Variants in RAB27A observed in about 807,000 individuals in gnomAD.
The protein encoded by RAB27A is ras-related protein Rab-27A.
RAB27A carries 17 observed loss-of-function variants against 20.8 expected under a neutral mutation model. That is an observed-to-expected ratio of 0.82 (90% confidence interval 0.56 to 1.23). The LOEUF (loss-of-function observed/expected upper bound fraction) is 1.23. Ranked by LOEUF, RAB27A falls within the 50% of genes most tolerant of loss-of-function variation. RAB27A has a pLI of 0.00. For synonymous variants in RAB27A, 85 were observed against 92.8 expected (o/e 0.92, Z 0.48); for missense variants, 277 against 266.7 (o/e 1.04, Z -0.27).
chr15:55,284,840 T>C (rs1171224134), intron 1 of RAB27A, among the ~76,000 whole-genome samples: 1 of 152,236 alleles, frequency 6.6e-6, no homozygotes, highest in Non-Finnish European at 1.5e-5. Flanking sequence ...TTCCATTAAC[T>C]ATAAAAGACT....
chr15:55,304,024 G>A lies in RAB27A; in HGVS notation c.-112+10015C>T, dbSNP rs1287315832. ...TGGCGGCTTTGTGGAATAGAAAGGC[G>A]GGAAAGGTGGGGAAGAGATTGAGAA... is the stretch of plus-strand genomic sequence containing the variant. On this transcript the variant is annotated intron_variant, in intron 2 of 5. Transcript: ENST00000563262. Among the ~76,000 whole-genome samples, 143 of 151,924 alleles carry A rather than the reference G, an allele frequency of 9.4e-4. 1 individual carries two copies. The East Asian group carries it at 0.026, about 28-fold the overall frequency.
In RAB27A at chr15:55,232,884, G is replaced by T. The variant is rs558190837; in HGVS notation, c.153+1898C>A. Reference sequence around the variant, plus strand: ...TGCCTGTAATCCCTCAGCACTTTGGGAGGCTAAGATGGGTGGATCACTTGA... The same window carrying T: ...TGCCTGTAATCCCTCAGCACTTTGGTAGGCTAAGATGGGTGGATCACTTGA... On this transcript the variant is annotated intron_variant, in intron 3 of 6. Coordinates refer to ENST00000336787, the MANE Select transcript of RAB27A (RefSeq NM_183235.3). Among the ~76,000 whole-genome samples, 36 of 152,302 alleles carry T rather than the reference G, an allele frequency of 2.4e-4. No individual in the cohort carries two copies. The South Asian group carries it at 7.0e-3, about 30-fold the overall frequency.
At chr15:55,261,304 G>C (rs983153867) in intron 2 of RAB27A, among the ~76,000 whole-genome samples, 1 of 152,064 alleles carries the variant, frequency 6.6e-6, no homozygotes, top group African/African-American at 2.4e-5. Context: ...GGCTGAGGTG[G>C]GAGAATTGCT....
upstream of RAB27A, among the ~76,000 whole-genome samples, chr15:55,294,589 GAAAAAAAAA>G (rs1181179911): frequency 6.9e-5 from 2 of 29,184 alleles, no homozygotes; most frequent in Non-Finnish European, 1.3e-4. Context: ...CCCTGTCTCC[GAAAAAAAAA>G]AAAAAAAAAA....
At chr15:55,252,039 T>G (rs187998144) in intron 2 of RAB27A, among the ~76,000 whole-genome samples, 1 of 151,990 alleles carries the variant, frequency 6.6e-6, no homozygotes, top group Admixed American at 6.6e-5. Context: ...CAGACAGGTG[T>G]TCAAAGTCAT....
chr15:55,281,506 G>A (rs1170349572), intron 1 of RAB27A, among the ~76,000 whole-genome samples: 2 of 152,150 alleles, frequency 1.3e-5, no homozygotes, highest in South Asian at 2.1e-4. Flanking sequence ...GAGGTCAGGA[G>A]TTCGAGACCA....
At chr15:55,258,833 C>T (rs1462309433) in intron 2 of RAB27A, among the ~76,000 whole-genome samples, 1 of 152,116 alleles carries the variant, frequency 6.6e-6, no homozygotes, top group Non-Finnish European at 1.5e-5. Flanking sequence ...CTATTGGGTT[C>T]TTTTTCTTTA....
At chr15:55,233,710 T>C (rs978642100) in intron 3 of RAB27A, among the ~76,000 whole-genome samples, 19 of 152,214 alleles carry the variant, frequency 1.2e-4, no homozygotes, top group Non-Finnish European at 1.5e-5. Context: ...GTGATGAAAC[T>C]ATTCTAAAAT....
In RAB27A at chr15:55,205,517, C is replaced by G; in HGVS notation, c.656G>C (p.Cys219Ser). The G allele has an allele frequency of 6.2e-7, 1 of 1,614,190 alleles. No homozygotes were observed. The highest frequency in any genetic ancestry group is 8.5e-7 in the Non-Finnish European group (1 of 1,180,018). The change falls in exon 7 of 7, where the codon TGT becomes TCT. Residue 219 changes from cysteine (C) to serine (S), a missense_variant. Transcript: ENST00000336787. ...CGCTTACTTGACTTCTCAACAGCCA[C>G]ATGCCCCTTTCTCCTTTTCTTCACT... The part of the protein sequence containing the change: ...QLSEEKEKGA[C>S]GC
At chr15:55,262,153 A>G (rs1465365078) in intron 2 of RAB27A, among the ~76,000 whole-genome samples, 1 of 152,038 alleles carries the variant, frequency 6.6e-6, no homozygotes, top group African/African-American at 2.4e-5. Context: ...TGTATCTTCT[A>G]TTTCTTACAT....
At chr15:55,259,052 G>A (rs1485421464) in intron 2 of RAB27A, among the ~76,000 whole-genome samples, 2 of 152,176 alleles carry the variant, frequency 1.3e-5, no homozygotes, top group Non-Finnish European at 2.9e-5. Flanking sequence ...CTAGCGGCAA[G>A]TGATCCGCCC....
intron 1 of RAB27A, among the ~76,000 whole-genome samples, chr15:55,272,558 T>G (rs1259448699): frequency 1.3e-5 from 2 of 152,240 alleles, no homozygotes; most frequent in Non-Finnish European, 2.9e-5. Context: ...ATTTTCATAG[T>G]CTGCTTAAAG....
At chr15:55,288,716 C>T (rs548850028) in intron 1 of RAB27A, 2 of 152,048 alleles carry the variant, frequency 1.3e-5, no homozygotes, top group East Asian at 3.9e-4. Context: ...TAATGATCCT[C>T]AGTCAAGTTC....
chr15:55,210,073 TATAC>T (rs1285795821), intron 6 of RAB27A, among the ~76,000 whole-genome samples: 18,344 of 140,548 alleles, frequency 0.13, 1,404 homozygotes, highest in African/African-American at 0.21. Context: ...TGTGTGTACA[TATAC>T]ATATATACAC....
intron 2 of RAB27A, among the ~76,000 whole-genome samples, chr15:55,310,153 G>A (rs1431744345): frequency 6.6e-6 from 1 of 152,176 alleles, no homozygotes; most frequent in Non-Finnish European, 1.5e-5. Context: ...CATGTGAAAA[G>A]AGTAAAGTTC....
At chr15:55,249,384 C>T (rs1896805715) in intron 2 of RAB27A, among the ~76,000 whole-genome samples, 1 of 152,180 alleles carries the variant, frequency 6.6e-6, no homozygotes, top group Admixed American at 6.5e-5. Flanking sequence ...AAGCAATCCT[C>T]TCACCTCAGC....
At chr15:55,235,293 C>T (rs926114490) in intron 2 of RAB27A, among the ~76,000 whole-genome samples, 2 of 151,830 alleles carry the variant, frequency 1.3e-5, no homozygotes, top group African/African-American at 2.4e-5. Flanking sequence ...ACTGAAAATA[C>T]AAAAATTAGC....
chr15:55,241,655 T>A (rs1216339051), intron 2 of RAB27A, among the ~76,000 whole-genome samples: 1 of 140,128 alleles, frequency 7.1e-6, no homozygotes, highest in African/African-American at 2.8e-5. Flanking sequence ...TTTTTTTTTA[T>A]AAATTAGGCA....
chr15:55,274,829 T>TATATATATAGAGAGAG (rs1244330728), intron 1 of RAB27A, among the ~76,000 whole-genome samples: 2 of 139,008 alleles, frequency 1.4e-5, no homozygotes, highest in East Asian at 4.1e-4. Flanking sequence ...TATATATGTA[T>TATATATATAGAGAGAG]AGAGAGAGAC....
Sources: allele counts gnomAD v4.1 joint callset (sites outside exome capture counted in the v4.1 genomes callset), GRCh38; gene constraint gnomAD v4.1.1; transcripts MANE v1.5; gene names NCBI Gene and HGNC (gene_info 2026-07-23, HGNC 2026-07-21).